Variants in VWF observed in about 807,000 individuals in gnomAD.
The protein encoded by VWF is von Willebrand factor.
Under a neutral mutation model 308.6 loss-of-function variants are expected in VWF, and 176 were observed. The ratio of observed to expected loss-of-function variants is 0.57; its 90% CI spans 0.50 to 0.65. VWF has a LOEUF of 0.65. VWF is among the 30% of genes least tolerant of loss of function. VWF has a pLI of 0.00. For missense variants in VWF, 3,146 were observed against 3,648.2 expected, an observed-to-expected ratio of 0.86 and a Z score of 3.55; for synonymous variants, 1,385 against 1,443.4, an observed-to-expected ratio of 0.96 and a Z score of 0.92.
At chr12:6,036,805 C>G (rs1214457455) in intron 18 of VWF, among the ~76,000 whole-genome samples, 1 of 152,178 alleles carries the variant, frequency 6.6e-6, no homozygotes. Context: ...GACATTTTTG[C>G]AAAGGTACTT....
At chr12:6,042,407 C>T (rs1432465193) in intron 18 of VWF, among the ~76,000 whole-genome samples, 3 of 152,198 alleles carry the variant, frequency 2.0e-5, no homozygotes, top group African/African-American at 4.8e-5. Context: ...GTTTCCAGGC[C>T]CAGCTCCATT....
rs142635883 is a variant in VWF, at chr12:6,018,594, G to C, written c.4824C>G (p.Thr1608=). The C allele has an allele frequency of 6.2e-7, 1 of 1,613,968 alleles. No individual in the cohort carries two copies. Among genetic ancestry groups the C allele is most frequent in the Non-Finnish European group, 8.5e-7 (1 of 1,179,998 alleles). The stretch of plus-strand genomic sequence containing the variant: ...TGATCTCATCAGAGGCAGGATTTCC[G>C]GTGACCATGTAGACCAGGTTGGGCG... ...EQAPNLVYMV[T]GNPASDEIKR... The change falls in exon 28 of 52, where the codon ACC becomes ACG. Residue 1608 remains threonine, a synonymous_variant. Transcript: ENST00000261405.
intron 16 of VWF, among the ~76,000 whole-genome samples, chr12:6,049,137 G>C (rs1944479561): frequency 6.6e-6 from 1 of 152,080 alleles, no homozygotes; most frequent in Non-Finnish European, 1.5e-5. Context: ...ACCTTTTCAC[G>C]ACCACCACTA....
At position 6,032,624 on chromosome 12, in the gene VWF, CG is replaced by C. The variant is rs1348008002; in HGVS notation, c.2686-1047del. ...CTGCACTCCAGCCTGGGTGACAGAGCGAGACTCTGTCTCAAAAAAAAAAAGA... is the reference window on the plus strand; with the variant it reads ...CTGCACTCCAGCCTGGGTGACAGAGCAGACTCTGTCTCAAAAAAAAAAAGA... On this transcript the variant is annotated intron_variant, in intron 20 of 51. Coordinates refer to ENST00000261405, the MANE Select transcript of VWF (RefSeq NM_000552.5). 5.3e-5 allele frequency among the ~76,000 whole-genome samples: 8 copies of C among 151,012 alleles called. No homozygotes were observed. In the East Asian group the frequency reaches 1.6e-3, roughly 29 times the overall value.
chr12:6,078,590 CT>C (rs1432288714), intron 6 of VWF, among the ~76,000 whole-genome samples: 2 of 152,194 alleles, frequency 1.3e-5, no homozygotes, highest in Non-Finnish European at 2.9e-5. Context: ...AATGCACTCC[CT>C]GGGGTTTTCC....
rs1017175577 is a variant in VWF, at chr12:5,989,132, T to G, written c.6798+2687A>C. On this transcript the variant is annotated intron_variant, in intron 38 of 51. Coordinates refer to ENST00000261405, the MANE Select transcript of VWF (RefSeq NM_000552.5). ...TTCCTGCTAAACTTGTGCCTGTCAC[T>G]ACAGCACCCACCACCACCAGCAGCT... is the stretch of plus-strand genomic sequence containing the variant. Among the ~76,000 whole-genome samples, 2 of 152,206 alleles carry G rather than the reference T, an allele frequency of 1.3e-5. 1 individual carries two copies. The highest frequency in any genetic ancestry group is 2.9e-5 in the Non-Finnish European group (2 of 68,028).
rs1383388529 is a variant in VWF, at chr12:6,064,266, A to G, written c.1412T>C (p.Val471Ala). Residue 471 changes from valine (V) to alanine (A), a missense_variant, in exon 12 of 52, where the codon GTC (valine) becomes GCC (alanine). By Grantham distance (64) the Val-to-Ala change is moderately conservative. Coordinates refer to ENST00000261405, the MANE Select transcript of VWF (RefSeq NM_000552.5). ...GAGVAMDGQDVQLPLLKGDLR... is the reference protein window; with the variant it reads ...GAGVAMDGQDAQLPLLKGDLR... ...CATACCTTTCAGGAGGGGGAGCTGGACGTCCTGGCCATCCATGGCAACTCC... is the reference window on the plus strand; with the variant it reads ...CATACCTTTCAGGAGGGGGAGCTGGGCGTCCTGGCCATCCATGGCAACTCC... The G allele has an allele frequency of 2.5e-6, 4 of 1,614,162 alleles. No individual in the cohort carries two copies. Among genetic ancestry groups the G allele is most frequent in the Non-Finnish European group, 3.4e-6 (4 of 1,180,036 alleles).
chr12:6,101,259 T>C (rs1945158360), intron 5 of VWF, among the ~76,000 whole-genome samples: 1 of 152,132 alleles, frequency 6.6e-6, no homozygotes, highest in African/African-American at 2.4e-5. Flanking sequence ...TTTGTAGCAT[T>C]TGCTGGTTTC....
chr12:6,114,410 A>G (rs192368583), intron 3 of VWF, among the ~76,000 whole-genome samples: 13 of 152,298 alleles, frequency 8.5e-5, no homozygotes, highest in Non-Finnish European at 1.6e-4. Flanking sequence ...CGCTATGGCT[A>G]TAAGTTTGTA....
intron 34 of VWF, among the ~76,000 whole-genome samples, chr12:5,998,093 C>A: frequency 6.6e-6 from 1 of 152,060 alleles, no homozygotes; most frequent in Non-Finnish European, 1.5e-5. Flanking sequence ...AAACTTTTGG[C>A]TGATTGTCAA....
intron 25 of VWF, among the ~76,000 whole-genome samples, chr12:6,023,174 A>C (rs1260914586): frequency 6.6e-6 from 1 of 152,142 alleles, no homozygotes; most frequent in South Asian, 2.1e-4. Flanking sequence ...CTCTGGCCTC[A>C]GCCTCCCAAA....
At chr12:5,974,803 G>C (rs557359700) in intron 43 of VWF, among the ~76,000 whole-genome samples, 2 of 152,336 alleles carry the variant, frequency 1.3e-5, no homozygotes, top group South Asian at 2.1e-4. Flanking sequence ...CATGCTGTAG[G>C]ACCACGGTGC....
At chr12:5,952,962 C>T (rs1943210246) in intron 48 of VWF, among the ~76,000 whole-genome samples, 2 of 152,198 alleles carry the variant, frequency 1.3e-5, no homozygotes, top group Non-Finnish European at 2.9e-5. Flanking sequence ...GGCACGGTGG[C>T]TCACACCTGT....
At position 6,058,006 on chromosome 12, in the gene VWF, A is replaced by G; in HGVS notation, c.1572T>C (p.Cys524=). ...CGCCCTGGTTGCCATTGTAATTCCC[A>G]CACAGGCCGCAGGTCTTCCCGGCAT... ...PVYAGKTCGL[C]GNYNGNQGDD... is the part of the protein sequence containing the mutation. Residue 524 remains cysteine, a synonymous_variant, in exon 14 of 52, where the codon TGT becomes TGC. Coordinates refer to ENST00000261405, the MANE Select transcript of VWF (RefSeq NM_000552.5). The surrounding 1 kb of genome is among the most constrained non-coding windows in gnomAD (Gnocchi z 4.9). 1 of 1,613,236 alleles carries G rather than the reference A, an allele frequency of 6.2e-7. No individual in the cohort carries two copies. The highest frequency in any genetic ancestry group is 8.5e-7 in the Non-Finnish European group (1 of 1,179,988).
chr12:6,059,292 G>A (rs895600011), intron 13 of VWF, among the ~76,000 whole-genome samples: 8 of 151,956 alleles, frequency 5.3e-5, no homozygotes, highest in Admixed American at 1.3e-4. Flanking sequence ...ATCACTTTCC[G>A]ATCTATAATA....
intron 5 of VWF, among the ~76,000 whole-genome samples, chr12:6,103,258 G>A (rs533733708): frequency 2.6e-5 from 4 of 152,006 alleles, no homozygotes; most frequent in East Asian, 1.9e-4. Context: ...AACCCAGGAG[G>A]CGGAGCTTGC....
At chr12:6,093,959 G>A (rs2136498260) in intron 6 of VWF, among the ~76,000 whole-genome samples, 1 of 152,350 alleles carries the variant, frequency 6.6e-6, no homozygotes, top group East Asian at 1.9e-4. Flanking sequence ...AGGGCTCTGT[G>A]GAAGGGGTGG....
intron 16 of VWF, among the ~76,000 whole-genome samples, 198 bp from the exon 17 acceptor site, chr12:6,047,015 G>GC (rs1404554197): frequency 6.6e-6 from 1 of 152,054 alleles, no homozygotes; most frequent in Admixed American, 6.5e-5. Context: ...TCAGTTATTT[G>GC]CTTAATTGAT....
intron 34 of VWF, among the ~76,000 whole-genome samples, chr12:5,997,774 A>G (rs1441205993): frequency 1.3e-5 from 2 of 152,222 alleles, no homozygotes; most frequent in Non-Finnish European, 2.9e-5. Context: ...AGAATACCAA[A>G]TTACCTCCCA....
Sources: gnomAD v4.1 joint callset for allele counts (sites outside exome capture counted in the v4.1 genomes callset) on GRCh38, gnomAD v4.1.1 for gene constraint, Gnocchi (gnomAD v3.1) non-coding constraint, MANE v1.5 for transcripts, NCBI Gene and HGNC (gene_info 2026-07-23, HGNC 2026-07-21) for gene names.